Variants in AGBL1 observed in about 807,000 individuals in gnomAD.
The protein encoded by AGBL1 is cytosolic carboxypeptidase 4.
AGBL1 carries 130 observed loss-of-function variants against 118.9 expected under a neutral mutation model. That is an observed-to-expected ratio of 1.09 (90% CI 0.95 to 1.26). AGBL1 has a LOEUF of 1.26. Among genes scored for constraint, AGBL1 ranks in the 50% most tolerant of loss-of-function variants. The pLI is 0.00. For synonymous variants in AGBL1, 555 were observed against 478.9 expected, an observed-to-expected ratio of 1.16 and a Z score of -2.08; for missense variants, 1,584 against 1,298.1, an observed-to-expected ratio of 1.22 and a Z score of -3.38.
Position 86,209,547 on chromosome 15 carries a change from G to T in AGBL1, c.489-15367G>T, listed in dbSNP as rs535235826. On this transcript the variant is annotated intron_variant, in intron 5 of 22. Coordinates refer to ENST00000614907, the MANE Select transcript of AGBL1 (RefSeq NM_001386094.1). ...TAGGATAGTTAGCTCTTCTTGTATTGATCCCTTTACCATTATGCAATGGCC... is the reference window on the plus strand; with the variant it reads ...TAGGATAGTTAGCTCTTCTTGTATTTATCCCTTTACCATTATGCAATGGCC... 9.7e-4 allele frequency among the ~76,000 whole-genome samples: 148 copies of T among 152,008 alleles called. 1 individual carries two copies. The Middle Eastern group carries it at 0.017, about 18-fold the overall frequency.
chr15:86,589,068 AT>A lies in AGBL1; in HGVS notation c.2994+34539del, dbSNP rs558760312. Reference sequence around the variant, plus strand: ...TGTGCATGGACACAGAAGGACAACAATTTTTTTTAAATATGAATAACTTACG... The same window carrying A: ...TGTGCATGGACACAGAAGGACAACAATTTTTTTAAATATGAATAACTTACG... On this transcript the variant is annotated intron_variant, in intron 21 of 22. Transcript: ENST00000614907. Among the ~76,000 whole-genome samples the A allele has an allele frequency of 4.6e-5, 7 of 151,900 alleles. No homozygotes were observed. The South Asian group carries it at 1.5e-3, about 32-fold the overall frequency.
intron 22 of AGBL1, among the ~76,000 whole-genome samples, chr15:86,878,940 G>T (rs765559647): frequency 6.6e-6 from 1 of 152,314 alleles, no homozygotes; most frequent in East Asian, 1.9e-4. Flanking sequence ...GCTGGTCCCC[G>T]CCTGAAGAGA....
At chr15:86,175,514 C>A (rs1181059875) in intron 5 of AGBL1, among the ~76,000 whole-genome samples, 1 of 151,684 alleles carries the variant, frequency 6.6e-6, no homozygotes, top group Non-Finnish European at 1.5e-5. Context: ...CTGCTCTGAT[C>A]TTTATTATTC....
chr15:86,488,856 T>C (rs2082743605), intron 18 of AGBL1, among the ~76,000 whole-genome samples: 1 of 152,044 alleles, frequency 6.6e-6, no homozygotes, highest in Non-Finnish European at 1.5e-5. Context: ...TATAGTCAAA[T>C]ATTCATTCTT....
intron 22 of AGBL1, among the ~76,000 whole-genome samples, chr15:86,756,030 C>G (rs1021190549): frequency 6.6e-6 from 1 of 152,110 alleles, no homozygotes; most frequent in African/African-American, 2.4e-5. Context: ...CTTGGATGCT[C>G]TTCTTTTGGT....
intron 22 of AGBL1, among the ~76,000 whole-genome samples, chr15:86,833,359 A>T (rs1486609465): frequency 6.6e-6 from 1 of 151,980 alleles, no homozygotes; most frequent in Non-Finnish European, 1.5e-5. Context: ...TGTGGGAGGG[A>T]CCTAGCGGGA....
At chr15:86,740,132 C>T (rs1435863954) in intron 22 of AGBL1, among the ~76,000 whole-genome samples, 1 of 152,132 alleles carries the variant, frequency 6.6e-6, no homozygotes, top group Non-Finnish European at 1.5e-5. Flanking sequence ...AGAAGCCCAG[C>T]AAGTACATTT....
chr15:86,443,658 A>G (rs181632990), intron 18 of AGBL1, among the ~76,000 whole-genome samples: 3 of 152,226 alleles, frequency 2.0e-5, no homozygotes, highest in Non-Finnish European at 4.4e-5. Context: ...TCTTTCTATG[A>G]GATCAACATT....
intron 17 of AGBL1, among the ~76,000 whole-genome samples, chr15:86,334,890 A>T (rs1449292413): frequency 6.6e-6 from 1 of 152,204 alleles, no homozygotes; most frequent in Admixed American, 6.5e-5. Flanking sequence ...AATAAAAATT[A>T]TGAAGACAGA....
chr15:86,545,450 A>G (rs1239266967), intron 19 of AGBL1, among the ~76,000 whole-genome samples: 1 of 152,102 alleles, frequency 6.6e-6, no homozygotes, highest in African/African-American at 2.4e-5. Context: ...TTTGTTGCAC[A>G]GGTAAACTTG....
intron 18 of AGBL1, among the ~76,000 whole-genome samples, chr15:86,472,694 G>A (rs2082494556): frequency 6.6e-6 from 1 of 152,192 alleles, no homozygotes; most frequent in Admixed American, 6.5e-5. Flanking sequence ...TGAGATGGGT[G>A]GATCACCTGA....
At chr15:86,255,061 T>C (rs1408656291) in intron 7 of AGBL1, among the ~76,000 whole-genome samples, 1 of 152,210 alleles carries the variant, frequency 6.6e-6, no homozygotes, top group Non-Finnish European at 1.5e-5. Context: ...AAAAAAGACA[T>C]GATTATCTTT....
chr15:86,867,720 A>G (rs1361679511), intron 22 of AGBL1, among the ~76,000 whole-genome samples: 1 of 152,196 alleles, frequency 6.6e-6, no homozygotes, highest in African/African-American at 2.4e-5. Context: ...GCAAAAATAA[A>G]TAGACATTTA....
chr15:86,748,435 A>G (rs146983160), intron 22 of AGBL1, among the ~76,000 whole-genome samples: 2 of 142,332 alleles, frequency 1.4e-5, no homozygotes, highest in African/African-American at 5.2e-5. Context: ...GTAGGTTGCC[A>G]GTTCACTCTG....
At chr15:86,437,470 C>G (rs538988395) in intron 18 of AGBL1, among the ~76,000 whole-genome samples, 2 of 152,242 alleles carry the variant, frequency 1.3e-5, no homozygotes, top group Non-Finnish European at 2.9e-5. Context: ...AAGATGTAGT[C>G]CCTTCTTCAC....
chr15:86,093,231 A>G (rs1896148394), intron 1 of AGBL1, among the ~76,000 whole-genome samples: 1 of 152,154 alleles, frequency 6.6e-6, no homozygotes, highest in Non-Finnish European at 1.5e-5. Flanking sequence ...CTTCTGGGTG[A>G]CCCAGAAAAT....
In AGBL1 at chr15:86,689,192, A is replaced by G. The variant is rs537263096; in HGVS notation, c.3158+14756A>G. On this transcript the variant is annotated intron_variant, in intron 22 of 22. Coordinates refer to ENST00000614907, the MANE Select transcript of AGBL1 (RefSeq NM_001386094.1). ...CTAGTTGTTCCTCTGTCTGGCATGC[A>G]TTTTCTACAGATGGTTGCATAGCTG... 2.0e-4 allele frequency among the ~76,000 whole-genome samples: 31 copies of G among 152,028 alleles called. 1 individual carries two copies. The highest frequency in any genetic ancestry group is 4.4e-4 in the Non-Finnish European group (30 of 68,000).
intron 7 of AGBL1, among the ~76,000 whole-genome samples, chr15:86,253,337 G>A (rs1330143143): frequency 2.6e-5 from 4 of 152,070 alleles, no homozygotes; most frequent in African/African-American, 4.8e-5. Flanking sequence ...TGCAGCCTCC[G>A]CCTCCTGAGT....
chr15:86,569,742 G>T (rs1366428772), intron 21 of AGBL1, among the ~76,000 whole-genome samples: 1 of 152,162 alleles, frequency 6.6e-6, no homozygotes, highest in African/African-American at 2.4e-5. Context: ...TGCTAATAAG[G>T]TTGCCAGCAG....
Sources: gnomAD v4.1 joint callset for allele counts (sites outside exome capture counted in the v4.1 genomes callset) on GRCh38, gnomAD v4.1.1 for gene constraint, MANE v1.5 for transcripts, NCBI Gene and HGNC (gene_info 2026-07-23, HGNC 2026-07-21) for gene names.